The following GNA12 variants were observed in gnomAD, a reference collection of about 807,000 sequenced individuals.
GNA12 encodes guanine nucleotide-binding protein subunit alpha-12.
A neutral mutation model predicts 26.0 loss-of-function variants in GNA12; 9 were observed. That is an observed-to-expected ratio of 0.35 (90% CI 0.21 to 0.60). The LOEUF is 0.60. GNA12 is among the 20% of genes least tolerant of loss of function. The pLI is 0.78. For missense variants in GNA12, 405 were observed against 525.8 expected, an observed-to-expected ratio of 0.77 and a Z score of 2.25; for synonymous variants, 264 against 219.6, an observed-to-expected ratio of 1.20 and a Z score of -1.79.
chr7:2,778,187 T>G (rs1324395017), intron 2 of GNA12, among the ~76,000 whole-genome samples: 3 of 152,170 alleles, frequency 2.0e-5, no homozygotes, highest in Non-Finnish European at 2.9e-5. Context: ...AAAAAGCATA[T>G]TTCGCCACAA....
chr7:2,804,615 G>C (rs1048555832), intron 1 of GNA12, among the ~76,000 whole-genome samples: 7 of 152,192 alleles, frequency 4.6e-5, no homozygotes, highest in African/African-American at 9.7e-5. Flanking sequence ...GGAGGTGTGA[G>C]AAAATGGTGA....
At chr7:2,829,170 A>T (rs1793547516) in intron 1 of GNA12, among the ~76,000 whole-genome samples, 1 of 152,174 alleles carries the variant, frequency 6.6e-6, no homozygotes, top group Admixed American at 6.5e-5. Flanking sequence ...AGCTATTCGT[A>T]CAAAAGGCCC....
intron 1 of GNA12, among the ~76,000 whole-genome samples, chr7:2,838,190 C>T (rs1361509533): frequency 6.7e-6 from 1 of 150,078 alleles, no homozygotes; most frequent in African/African-American, 2.5e-5. Context: ...CCTGTAATCT[C>T]GGCACTTTGG....
At chr7:2,835,358 A>G (rs1778807323) in intron 1 of GNA12, among the ~76,000 whole-genome samples, 2 of 152,172 alleles carry the variant, frequency 1.3e-5, no homozygotes, top group Admixed American at 1.3e-4. Flanking sequence ...TTAGAAAAAT[A>G]AAAAGAATAA....
chr7:2,833,414 G>C (rs1467578640), intron 1 of GNA12, among the ~76,000 whole-genome samples: 1 of 152,122 alleles, frequency 6.6e-6, no homozygotes, highest in African/African-American at 2.4e-5. Flanking sequence ...AGCTGTCAAC[G>C]GAACACTATC....
intron 2 of GNA12, among the ~76,000 whole-genome samples, chr7:2,735,440 G>A (rs1790119503): frequency 6.7e-6 from 1 of 149,160 alleles, no homozygotes; most frequent in Non-Finnish European, 1.5e-5. Flanking sequence ...ATCACCACAG[G>A]ACACAAAGCC....
chr7:2,843,826 AG>A, intron 1 of GNA12, 26 bp downstream of exon 1: 1 of 1,342,592 alleles, frequency 7.4e-7, no homozygotes, highest in South Asian at 1.6e-5. Flanking sequence ...ACCTGGGTGC[AG>A]GTGCTGGGCG....
intron 1 of GNA12, among the ~76,000 whole-genome samples, chr7:2,820,265 C>A (rs1241889716): frequency 6.6e-6 from 1 of 152,114 alleles, no homozygotes; most frequent in Non-Finnish European, 1.5e-5. Context: ...TGCAGGGTTT[C>A]TTTCTGGGGT....
At chr7:2,761,422 T>C (rs1485076279) in intron 2 of GNA12, among the ~76,000 whole-genome samples, 1 of 152,228 alleles carries the variant, frequency 6.6e-6, no homozygotes, top group Non-Finnish European at 1.5e-5. Flanking sequence ...GACGGCTGAC[T>C]TCATGGCAGA....
intron 1 of GNA12, among the ~76,000 whole-genome samples, chr7:2,806,865 A>G (rs898137479): frequency 6.6e-6 from 1 of 152,168 alleles, no homozygotes. Context: ...ATACATCCCT[A>G]TTTTCACATA....
At chr7:2,814,466 G>T in intron 1 of GNA12, 1 of 868,440 alleles carries the variant, frequency 1.2e-6, no homozygotes, top group Non-Finnish European at 2.0e-6. Flanking sequence ...CCCTGCTCAA[G>T]CTTCTCCAAG....
chr7:2,819,319 CG>C (rs1793295204), intron 1 of GNA12, among the ~76,000 whole-genome samples: 1 of 152,152 alleles, frequency 6.6e-6, no homozygotes, highest in Non-Finnish European at 1.5e-5. Context: ...GAACACAGTC[CG>C]GCTGGAACCT....
At chr7:2,830,234 AC>A (rs1340254668) in intron 1 of GNA12, among the ~76,000 whole-genome samples, 1 of 151,998 alleles carries the variant, frequency 6.6e-6, no homozygotes, top group Non-Finnish European at 1.5e-5. Context: ...TGCACTACAC[AC>A]CCTAGAATCT....
chr7:2,791,721 A>G (rs1026286534), intron 2 of GNA12, among the ~76,000 whole-genome samples: 5 of 151,996 alleles, frequency 3.3e-5, no homozygotes, highest in African/African-American at 1.2e-4. Context: ...ACAAGGGTCT[A>G]CTGCAGGGGT....
intron 2 of GNA12, among the ~76,000 whole-genome samples, chr7:2,787,083 C>T (rs1382068902): frequency 6.6e-6 from 1 of 152,112 alleles, no homozygotes; most frequent in African/African-American, 2.4e-5. Flanking sequence ...CCCCAGTAAG[C>T]ACCCCAAATC....
chr7:2,767,959 A>G (rs1791848645), intron 2 of GNA12, among the ~76,000 whole-genome samples: 1 of 152,182 alleles, frequency 6.6e-6, no homozygotes, highest in Non-Finnish European at 1.5e-5. Context: ...GGTTCAAGCA[A>G]TTCTCCTGTC....
At chr7:2,741,249 G>T (rs190992563) in intron 2 of GNA12, among the ~76,000 whole-genome samples, 165 of 152,252 alleles carry the variant, frequency 1.1e-3, no homozygotes, top group Non-Finnish European at 2.1e-4. Flanking sequence ...CAGCTACCTG[G>T]GAGGCTGAGG....
chr7:2,821,750 C>T (rs1275749914), intron 1 of GNA12, among the ~76,000 whole-genome samples: 1 of 152,200 alleles, frequency 6.6e-6, no homozygotes, highest in Non-Finnish European at 1.5e-5. Flanking sequence ...GGCTAGTTGC[C>T]AGGAAACATG....
At chr7:2,793,800 T>C (rs895795927) in intron 2 of GNA12, among the ~76,000 whole-genome samples, 1 of 150,084 alleles carries the variant, frequency 6.7e-6, no homozygotes, top group African/African-American at 2.5e-5. Context: ...GGAGAATCAC[T>C]TGAATCCAGA....
Sources: allele counts gnomAD v4.1 joint callset (sites outside exome capture counted in the v4.1 genomes callset), GRCh38; gene constraint gnomAD v4.1.1; transcripts MANE v1.5; gene names NCBI Gene and HGNC (gene_info 2026-07-23, HGNC 2026-07-21).